PTPRR: variants seen among roughly 807,000 people sequenced by gnomAD.
PTPRR encodes receptor-type tyrosine-protein phosphatase R.
A neutral mutation model predicts 77.2 loss-of-function variants in PTPRR; 38 were observed. The observed-to-expected ratio is 0.49, with a 90% CI of 0.38 to 0.65. The LOEUF (loss-of-function observed/expected upper bound fraction) is 0.65, where lower values mean the gene tolerates loss of function less well. PTPRR is among the 30% of genes least tolerant of loss of function. The pLI, the probability that PTPRR is intolerant of heterozygous loss-of-function variation, is 0.00. For synonymous variants in PTPRR, 299 were observed against 283.1 expected, an observed-to-expected ratio of 1.06 and a Z score of -0.57; for missense variants, 744 against 799.2, an observed-to-expected ratio of 0.93 and a Z score of 0.83.
intron 11 of PTPRR, among the ~76,000 whole-genome samples, chr12:70,661,988 T>G (rs1317407594): frequency 6.6e-6 from 1 of 152,198 alleles, no homozygotes; most frequent in African/African-American, 2.4e-5. Context: ...TAAGATAGTT[T>G]TCCTATGACA....
Position 70,639,115 on chromosome 12 carries a change from T to C in PTPRR, c.*69A>G. On this transcript the variant is annotated 3_prime_UTR_variant, in exon 14 of 14. Coordinates refer to ENST00000283228, the MANE Select transcript of PTPRR (RefSeq NM_002849.4). ...TCCTTCCATTGCAGGAAGCTCCTTC[T>C]AGAAGCCTTGGGTGGGTAATTTGAT... 7.2e-7 allele frequency: 1 copy of C among 1,382,178 alleles called. No homozygotes were observed. The highest frequency in any genetic ancestry group is 1.0e-6 in the Non-Finnish European group (1 of 987,356). 85.6% of individuals were successfully genotyped at this position (1,382,178 alleles called of 1,614,324 possible). A position where few individuals can be genotyped will look rare whatever the true frequency, so the allele number is the denominator to read the frequency against.
chr12:70,745,544 G>A (rs1271192328), intron 6 of PTPRR, among the ~76,000 whole-genome samples: 1 of 152,138 alleles, frequency 6.6e-6, no homozygotes, highest in African/African-American at 2.4e-5. Context: ...ACCTCAATAA[G>A]CTAGAAATTG....
intron 10 of PTPRR, among the ~76,000 whole-genome samples, chr12:70,665,138 A>T (rs1163004140): frequency 6.6e-6 from 1 of 152,120 alleles, no homozygotes; most frequent in African/African-American, 2.4e-5. Context: ...TATAACCCCA[A>T]ATCATCACTA....
At chr12:70,801,323 T>C (rs940979625) in intron 2 of PTPRR, among the ~76,000 whole-genome samples, 12 of 152,198 alleles carry the variant, frequency 7.9e-5, no homozygotes, top group Admixed American at 3.9e-4. Flanking sequence ...TAAACATTAT[T>C]CTGGGTGTGA....
chr12:70,639,367 G>A, intron 13 of PTPRR, 90 bp from the exon 14 acceptor site: 1 of 1,482,812 alleles, frequency 6.7e-7, no homozygotes, highest in Non-Finnish European at 9.2e-7. Context: ...AGGGTATTAT[G>A]CCAAAGACAC....
intron 2 of PTPRR, among the ~76,000 whole-genome samples, chr12:70,892,371 A>G (rs1356267319): frequency 1.3e-5 from 2 of 152,078 alleles, no homozygotes; most frequent in East Asian, 1.9e-4. Context: ...GCTCAGTACA[A>G]GATATAATCA....
chr12:70,716,147 C>T (rs769485862), intron 6 of PTPRR, among the ~76,000 whole-genome samples: 3 of 152,156 alleles, frequency 2.0e-5, no homozygotes, highest in Non-Finnish European at 4.4e-5. Context: ...ATAAAGCAGC[C>T]TCTTTACCTC....
Position 70,638,565 on chromosome 12 carries a change from T to A in PTPRR, c.*619A>T, listed in dbSNP as rs1458141718. The A allele has an allele frequency of 1.3e-5, 2 of 152,766 alleles. No homozygotes were observed. Among genetic ancestry groups the A allele is most frequent in the African/African-American group, 2.4e-5 (1 of 41,460 alleles). 9.5% of individuals were successfully genotyped at this position (152,766 alleles called of 1,614,324 possible). A position where few individuals can be genotyped will look rare whatever the true frequency, so the allele number is the denominator to read the frequency against. The stretch of plus-strand genomic sequence containing the variant: ...TGTAATTGTTTGATAGGAGGGACTA[T>A]AAATACACATTTAATAGGTAATATT... On this transcript the variant is annotated 3_prime_UTR_variant, in exon 14 of 14. Transcript: ENST00000283228.
chr12:70,821,626 G>A (rs1368095003), intron 2 of PTPRR, among the ~76,000 whole-genome samples: 1 of 151,858 alleles, frequency 6.6e-6, no homozygotes, highest in African/African-American at 2.4e-5. Flanking sequence ...CTGTGAGGGA[G>A]AGCGTGGGGA....
At chr12:70,904,391 T>G (rs77389939) in intron 1 of PTPRR, among the ~76,000 whole-genome samples, 1 of 151,670 alleles carries the variant, frequency 6.6e-6, no homozygotes, top group Admixed American at 6.6e-5. Flanking sequence ...AAAAGTGAGC[T>G]ATTGATCCAC....
At chr12:70,902,266 A>G (rs1893549348) in intron 1 of PTPRR, among the ~76,000 whole-genome samples, 1 of 151,876 alleles carries the variant, frequency 6.6e-6, no homozygotes, top group East Asian at 1.9e-4. Context: ...GAGATCCTTA[A>G]AGAACTAAAA....
chr12:70,826,696 A>C (rs957274471), intron 2 of PTPRR, among the ~76,000 whole-genome samples: 1 of 152,186 alleles, frequency 6.6e-6, no homozygotes, highest in African/African-American at 2.4e-5. Flanking sequence ...TGACATGAAT[A>C]CTCTGAGATA....
intron 13 of PTPRR, among the ~76,000 whole-genome samples, chr12:70,651,104 T>G (rs889286477): frequency 1.3e-5 from 2 of 152,232 alleles, no homozygotes; most frequent in Non-Finnish European, 2.9e-5. Context: ...TAGTGCCGCT[T>G]GCTTTCCCAA....
chr12:70,872,720 A>AAAAAAAAAAAAAAAAT (rs1892983099), intron 2 of PTPRR, among the ~76,000 whole-genome samples: 1 of 143,014 alleles, frequency 7.0e-6, no homozygotes, highest in Non-Finnish European at 1.5e-5. Context: ...AAAAAAAAAA[A>AAAAAAAAAAAAAAAAT]CAATCCACCA....
At chr12:70,759,312 C>G (rs989651462) in intron 4 of PTPRR, among the ~76,000 whole-genome samples, 3 of 152,066 alleles carry the variant, frequency 2.0e-5, no homozygotes, top group African/African-American at 7.3e-5. Context: ...AGACACAGAT[C>G]AAATGACATG....
chr12:70,830,472 C>T (rs1351992599), intron 2 of PTPRR, among the ~76,000 whole-genome samples: 1 of 152,180 alleles, frequency 6.6e-6, no homozygotes, highest in Non-Finnish European at 1.5e-5. Context: ...AAGCTCCTGC[C>T]TGGAAATGAC....
intron 1 of PTPRR, among the ~76,000 whole-genome samples, chr12:70,900,535 C>G (rs1218765967): frequency 1.3e-5 from 2 of 151,376 alleles, no homozygotes; most frequent in African/African-American, 4.8e-5. Context: ...GGGATTGCAT[C>G]AAACTAAAAA....
intron 2 of PTPRR, among the ~76,000 whole-genome samples, chr12:70,883,517 C>G (rs1474389012): frequency 6.6e-6 from 1 of 152,166 alleles, no homozygotes. Context: ...CACATTCCCC[C>G]CTAGTTCTCT....
At chr12:70,786,065 TC>T in intron 2 of PTPRR, among the ~76,000 whole-genome samples, 2 of 152,302 alleles carry the variant, frequency 1.3e-5, no homozygotes, top group South Asian at 4.1e-4. Flanking sequence ...ATGACTGGAA[TC>T]AGGGTCAGGC....
Sources: allele counts gnomAD v4.1 joint callset (sites outside exome capture counted in the v4.1 genomes callset), GRCh38; gene constraint gnomAD v4.1.1; transcripts MANE v1.5; gene names NCBI Gene and HGNC (gene_info 2026-07-23, HGNC 2026-07-21).